CEP85L: variants seen among roughly 807,000 people sequenced by gnomAD.
The protein encoded by CEP85L is centrosomal protein 85L, also known as centrosomal protein of 85 kDa-like.
CEP85L carries 60 observed loss-of-function variants against 100.3 expected under a neutral mutation model. The ratio of observed to expected loss-of-function variants is 0.60; its 90% CI spans 0.49 to 0.74. The LOEUF is 0.74. Among genes scored for constraint, CEP85L ranks in the 30% least tolerant of loss-of-function variants. CEP85L has a pLI of 0.00. For missense variants in CEP85L, 973 were observed against 936.2 expected, an observed-to-expected ratio of 1.04 and a Z score of -0.51; for synonymous variants, 319 against 322.7, an observed-to-expected ratio of 0.99 and a Z score of 0.12.
At chr6:118,626,024 C>T (rs1213293059) in intron 2 of CEP85L, among the ~76,000 whole-genome samples, 1 of 152,096 alleles carries the variant, frequency 6.6e-6, no homozygotes, top group Non-Finnish European at 1.5e-5. Flanking sequence ...CCCATCGTCG[C>T]CCCTAACCAG....
chr6:118,625,957 C>G (rs563098236), intron 2 of CEP85L, among the ~76,000 whole-genome samples: 1 of 152,294 alleles, frequency 6.6e-6, no homozygotes, highest in South Asian at 2.1e-4. Flanking sequence ...GATCAGCCCA[C>G]TGGTCTCTTA....
At chr6:118,552,647 C>T (rs1253012258) in intron 3 of CEP85L, among the ~76,000 whole-genome samples, 1 of 151,610 alleles carries the variant, frequency 6.6e-6, no homozygotes, top group African/African-American at 2.4e-5. Flanking sequence ...ACCAGAATAC[C>T]ATCTTGAACT....
chr6:118,592,330 T>G (rs1259620278), intron 2 of CEP85L, among the ~76,000 whole-genome samples: 7 of 75,558 alleles, frequency 9.3e-5, no homozygotes, highest in African/African-American at 2.6e-4. Context: ...CCTCTAGGTC[T>G]TTTTTTTTTT....
intron 2 of CEP85L, among the ~76,000 whole-genome samples, chr6:118,614,698 G>C (rs555507211): frequency 6.6e-6 from 1 of 152,126 alleles, no homozygotes; most frequent in African/African-American, 2.4e-5. Context: ...AAAAAAATTA[G>C]CTGGTGGTGG....
chr6:118,702,864 C>T (rs563483780), intron 1 of CEP85L, among the ~76,000 whole-genome samples: 37 of 151,988 alleles, frequency 2.4e-4, no homozygotes, highest in Non-Finnish European at 3.5e-4. Context: ...GGCTTGGTGG[C>T]GGGCGCCTGT....
chr6:118,544,477 A>C (rs1410350187), intron 3 of CEP85L, among the ~76,000 whole-genome samples: 2 of 152,120 alleles, frequency 1.3e-5, no homozygotes, highest in African/African-American at 4.8e-5. Flanking sequence ...TCATTTCCAT[A>C]TTATTTGTAT....
At chr6:118,622,581 AC>A (rs1368104987) in intron 2 of CEP85L, among the ~76,000 whole-genome samples, 1 of 152,206 alleles carries the variant, frequency 6.6e-6, no homozygotes, top group Non-Finnish European at 1.5e-5. Flanking sequence ...AGTTAGCAGA[AC>A]TCGTGGCACT....
At chr6:118,478,458 C>T (rs1407364624) in intron 10 of CEP85L, among the ~76,000 whole-genome samples, 1 of 151,992 alleles carries the variant, frequency 6.6e-6, no homozygotes, top group East Asian at 1.9e-4. Flanking sequence ...GTCTCTGTGA[C>T]CTGTATCTAT....
chr6:118,657,074 CT>C (rs1775819891), upstream of CEP85L: 1 of 152,244 alleles, frequency 6.6e-6, no homozygotes, highest in African/African-American at 2.4e-5. Flanking sequence ...TCTTACACCC[CT>C]AGTTCCATTT....
intron 1 of CEP85L, among the ~76,000 whole-genome samples, chr6:118,699,299 T>A (rs1200947914): frequency 6.6e-6 from 1 of 151,438 alleles, no homozygotes; most frequent in African/African-American, 2.4e-5. Flanking sequence ...ATAAAAAAAT[T>A]AAGCAATTAG....
intron 2 of CEP85L, among the ~76,000 whole-genome samples, chr6:118,576,652 G>GA (rs1301929871): frequency 6.6e-6 from 1 of 152,012 alleles, no homozygotes; most frequent in Non-Finnish European, 1.5e-5. Flanking sequence ...CATATGGGGG[G>GA]AATCCTCAGA....
At chr6:118,521,029 A>AT (rs1161101249) in intron 4 of CEP85L, among the ~76,000 whole-genome samples, 3 of 152,280 alleles carry the variant, frequency 2.0e-5, no homozygotes, top group South Asian at 2.1e-4. Context: ...AAAAAAACAC[A>AT]TTTTTTCTCA....
chr6:118,667,460 G>T (rs1175307052), intron 1 of CEP85L, among the ~76,000 whole-genome samples: 2 of 152,176 alleles, frequency 1.3e-5, no homozygotes, highest in Non-Finnish European at 2.9e-5. Flanking sequence ...TGTAAAGCTG[G>T]ATCTTAGACA....
chr6:118,659,687 T>C (rs1406865857), intron 1 of CEP85L, among the ~76,000 whole-genome samples: 2 of 152,208 alleles, frequency 1.3e-5, no homozygotes, highest in Non-Finnish European at 1.5e-5. Context: ...GTCACCACAG[T>C]TGTCTGGATG....
chr6:118,575,999 A>G (rs1780206687), intron 2 of CEP85L, among the ~76,000 whole-genome samples: 1 of 152,200 alleles, frequency 6.6e-6, no homozygotes. Flanking sequence ...ACAGCCAGTA[A>G]TGTAGTCAAA....
At chr6:118,498,299 G>T (rs1217794703) in intron 5 of CEP85L, among the ~76,000 whole-genome samples, 1 of 152,068 alleles carries the variant, frequency 6.6e-6, no homozygotes, top group Non-Finnish European at 1.5e-5. Context: ...TTCGAGACCA[G>T]CCTAGGCAAC....
rs891099942 is a variant in CEP85L, at chr6:118,615,232, C to T, written c.232+17221G>A. On this transcript the variant is annotated intron_variant, in intron 2 of 12. Transcript: ENST00000368491. ...TTCCTAGGAAGACTTTTTTTGTATT[C>T]TTTTTTGTGCAAACACAATTTTTAA... 3.9e-5 allele frequency among the ~76,000 whole-genome samples: 6 copies of T among 151,956 alleles called. No individual in the cohort carries two copies. In the East Asian group the frequency reaches 1.2e-3, roughly 29 times the overall value.
At chr6:118,553,358 C>T (rs2114939749) in intron 3 of CEP85L, among the ~76,000 whole-genome samples, 1 of 152,132 alleles carries the variant, frequency 6.6e-6, no homozygotes, top group East Asian at 1.9e-4. Flanking sequence ...GTTCCCACAA[C>T]AAAGGTTTTC....
chr6:118,482,048 AAAG>A, intron 7 of CEP85L, 115 bp from the exon 8 acceptor site: 9 of 557,882 alleles, frequency 1.6e-5, no homozygotes, highest in Admixed American at 4.2e-5. Context: ...AAAAAAAAAA[AAAG>A]AATCACACTG....
Sources: allele counts gnomAD v4.1 joint callset (sites outside exome capture counted in the v4.1 genomes callset), GRCh38; gene constraint gnomAD v4.1.1; transcripts MANE v1.5; gene names NCBI Gene and HGNC (gene_info 2026-07-23, HGNC 2026-07-21).